OXR1: variants seen among roughly 807,000 people sequenced by gnomAD.
OXR1 encodes oxidation resistance protein 1.
In OXR1, 41 loss-of-function variants were observed where a neutral mutation model predicts 104.6. The observed-to-expected ratio is 0.39, with a 90% CI of 0.31 to 0.51. The LOEUF is 0.51. Ranked by LOEUF, OXR1 falls within the 20% of genes least tolerant of loss-of-function variation. The pLI, the probability that OXR1 is intolerant of heterozygous loss-of-function variation, is 0.77. For synonymous variants in OXR1, 348 were observed against 348.4 expected (o/e 1.00, Z 0.01); for missense variants, 955 against 1,031.9 (o/e 0.93, Z 1.02).
At chr8:106,712,388 G>A (rs886666637) in intron 10 of OXR1, among the ~76,000 whole-genome samples, 5 of 151,918 alleles carry the variant, frequency 3.3e-5, no homozygotes, top group African/African-American at 1.2e-4. Flanking sequence ...ATACTGTAGG[G>A]CATATCCCAT....
intron 2 of OXR1, among the ~76,000 whole-genome samples, chr8:106,459,142 G>C (rs2130642254): frequency 6.6e-6 from 1 of 152,194 alleles, no homozygotes; most frequent in Non-Finnish European, 1.5e-5. Context: ...AGCCCCCAAA[G>C]TTCATGTGTT....
chr8:106,731,938 G>A (rs926083015), intron 11 of OXR1, among the ~76,000 whole-genome samples: 32 of 152,022 alleles, frequency 2.1e-4, no homozygotes, highest in African/African-American at 6.5e-4. Context: ...CTACAAAATA[G>A]CCTGGTAGAA....
chr8:106,484,379 G>A (rs574094170), intron 2 of OXR1, among the ~76,000 whole-genome samples: 1 of 151,952 alleles, frequency 6.6e-6, no homozygotes, highest in African/African-American at 2.4e-5. Context: ...ATTACACATT[G>A]TATATGTGTA....
At chr8:106,433,838 A>G (rs577992379) in intron 2 of OXR1, among the ~76,000 whole-genome samples, 1 of 152,334 alleles carries the variant, frequency 6.6e-6, no homozygotes, top group South Asian at 2.1e-4. Flanking sequence ...TTTCTAAGCA[A>G]TGCTGAAAGG....
At chr8:106,626,593 G>GTT (rs34772744) in intron 3 of OXR1, among the ~76,000 whole-genome samples, 1 of 141,912 alleles carries the variant, frequency 7.0e-6, no homozygotes. Context: ...ATTTTCTTAG[G>GTT]TTTTTTTTTT....
intron 2 of OXR1, among the ~76,000 whole-genome samples, chr8:106,466,630 A>G (rs1821185917): frequency 6.6e-6 from 1 of 151,878 alleles, no homozygotes; most frequent in Non-Finnish European, 1.5e-5. Flanking sequence ...TTTTTATAAT[A>G]AGTATAAATG....
intron 1 of OXR1, among the ~76,000 whole-genome samples, chr8:106,315,289 A>G (rs1305270464): frequency 6.6e-6 from 1 of 152,170 alleles, no homozygotes; most frequent in East Asian, 1.9e-4. Flanking sequence ...AATAACTTAT[A>G]TAAAACACAT....
chr8:106,584,665 A>G (rs1376110168), intron 3 of OXR1, among the ~76,000 whole-genome samples: 1 of 152,142 alleles, frequency 6.6e-6, no homozygotes, highest in Non-Finnish European at 1.5e-5. Flanking sequence ...ATCAACTATG[A>G]GTAGAATAAA....
chr8:106,669,467 G>A (rs1826702489), intron 3 of OXR1, among the ~76,000 whole-genome samples: 1 of 152,162 alleles, frequency 6.6e-6, no homozygotes, highest in East Asian at 1.9e-4. Flanking sequence ...TCGTGGATAA[G>A]GAGTCAATAG....
intron 2 of OXR1, among the ~76,000 whole-genome samples, chr8:106,465,590 G>T (rs993231104): frequency 6.6e-6 from 1 of 151,950 alleles, no homozygotes; most frequent in Admixed American, 6.6e-5. Context: ...GGGAGGATGA[G>T]AAGTCGTCAA....
intron 11 of OXR1, among the ~76,000 whole-genome samples, chr8:106,737,048 G>A (rs983348445): frequency 2.0e-5 from 3 of 151,986 alleles, no homozygotes; most frequent in Non-Finnish European, 4.4e-5. Context: ...TGTTATAGAT[G>A]GGTATGTTTG....
intron 3 of OXR1, among the ~76,000 whole-genome samples, chr8:106,564,610 G>T (rs1203961807): frequency 6.6e-6 from 1 of 152,062 alleles, no homozygotes; most frequent in African/African-American, 2.4e-5. Flanking sequence ...AGAAAAAGAG[G>T]GACTCCTCCC....
intron 3 of OXR1, among the ~76,000 whole-genome samples, chr8:106,548,215 G>A (rs1285896522): frequency 6.6e-6 from 1 of 152,146 alleles, no homozygotes; most frequent in East Asian, 1.9e-4. Flanking sequence ...TACCTAGAAT[G>A]TATCTCAGCA....
At chr8:106,497,836 C>A (rs1811519028) in intron 2 of OXR1, among the ~76,000 whole-genome samples, 1 of 151,880 alleles carries the variant, frequency 6.6e-6, no homozygotes, top group South Asian at 2.1e-4. Context: ...GTCTTCATTG[C>A]ATGTCAGAGA....
intron 3 of OXR1, among the ~76,000 whole-genome samples, chr8:106,592,249 A>T (rs913552621): frequency 6.6e-6 from 1 of 152,218 alleles, no homozygotes; most frequent in African/African-American, 2.4e-5. Context: ...CATAACTCAT[A>T]TTCTTGTGTG....
intron 3 of OXR1, chr8:106,618,289 G>A (rs1323128989): frequency 2.2e-6 from 2 of 890,608 alleles, no homozygotes; most frequent in Admixed American, 2.0e-5. Context: ...AAGTCCAGAT[G>A]AGCTGTATGG....
At chr8:106,364,184 C>G (rs1196970213) in intron 2 of OXR1, among the ~76,000 whole-genome samples, 3 of 152,154 alleles carry the variant, frequency 2.0e-5, no homozygotes, top group Non-Finnish European at 4.4e-5. Context: ...ATCTTCATTA[C>G]ATATGTATAT....
chr8:106,572,943 C>G (rs565280165), intron 3 of OXR1, among the ~76,000 whole-genome samples: 4 of 152,096 alleles, frequency 2.6e-5, no homozygotes, highest in African/African-American at 9.7e-5. Context: ...AATGGAGACC[C>G]AGGAGAGCTG....
intron 1 of OXR1, among the ~76,000 whole-genome samples, chr8:106,270,686 G>A (rs1172061281): frequency 1.4e-5 from 2 of 146,260 alleles, no homozygotes; most frequent in Non-Finnish European, 3.0e-5. Flanking sequence ...GGCTGGGTTT[G>A]GGGCGCGGGA....
Sources: gnomAD v4.1 joint callset for allele counts (sites outside exome capture counted in the v4.1 genomes callset) on GRCh38, gnomAD v4.1.1 for gene constraint, MANE v1.5 for transcripts, NCBI Gene and HGNC (gene_info 2026-07-23, HGNC 2026-07-21) for gene names.